The following SCUBE2 variants were observed in gnomAD, a reference collection of about 807,000 sequenced individuals.
SCUBE2 encodes the protein signal peptide, CUB and EGF-like domain-containing protein 2.
SCUBE2 carries 114 observed loss-of-function variants against 125.9 expected under a neutral mutation model. That is an observed-to-expected ratio of 0.91 (90% CI 0.78 to 1.06). SCUBE2 has a LOEUF of 1.06. Among genes scored for constraint, SCUBE2 ranks in the 50% least tolerant of loss-of-function variants. The pLI is 0.00. For synonymous variants in SCUBE2, 459 were observed against 492.9 expected (o/e 0.93, Z 0.91); for missense variants, 1,255 against 1,301.8 (o/e 0.96, Z 0.55).
chr11:9,054,641 C>T (rs1431997852), intron 10 of SCUBE2, among the ~76,000 whole-genome samples: 3 of 140,674 alleles, frequency 2.1e-5, no homozygotes, highest in Non-Finnish European at 4.5e-5. Flanking sequence ...ATGTCTTTGG[C>T]CATGCCAAGG....
At chr11:9,029,604 T>C (rs1010727656) in intron 19 of SCUBE2, among the ~76,000 whole-genome samples, 2 of 152,202 alleles carry the variant, frequency 1.3e-5, no homozygotes, top group Non-Finnish European at 2.9e-5. Flanking sequence ...TGCATGCTGA[T>C]CAAGGCTGGA....
At chr11:9,081,669 CAAACAAAA>C (rs754617398) in intron 2 of SCUBE2, among the ~76,000 whole-genome samples, 1 of 142,980 alleles carries the variant, frequency 7.0e-6, no homozygotes, top group Non-Finnish European at 1.5e-5. Context: ...AACAAACAAA[CAAACAAAA>C]AAAAAAAACC....
intron 19 of SCUBE2, among the ~76,000 whole-genome samples, chr11:9,029,237 C>A (rs906413249): frequency 6.6e-6 from 1 of 152,228 alleles, no homozygotes; most frequent in Non-Finnish European, 1.5e-5. Context: ...ACAAACCGGT[C>A]TCCTCAGCAT....
intron 21 of SCUBE2, 135 bp downstream of exon 21, chr11:9,025,567 G>T: frequency 9.2e-7 from 1 of 1,083,310 alleles, no homozygotes; most frequent in Non-Finnish European, 1.3e-6. Context: ...GCACTTGTGA[G>T]TCAGCAATGT....
chr11:9,032,643 G>A (rs528180584), intron 17 of SCUBE2, among the ~76,000 whole-genome samples: 1 of 152,286 alleles, frequency 6.6e-6, no homozygotes, highest in South Asian at 2.1e-4. Flanking sequence ...TGAGGCATGA[G>A]AATCACTTGA....
intron 17 of SCUBE2, among the ~76,000 whole-genome samples, chr11:9,031,597 C>T (rs1022927438): frequency 6.6e-5 from 10 of 152,012 alleles, no homozygotes; most frequent in Non-Finnish European, 1.5e-5. Flanking sequence ...CACGGCACTC[C>T]AGCCTGGGTG....
chr11:9,053,701 C>A lies in SCUBE2; in HGVS notation c.1266G>T (p.Val422=). The stretch of plus-strand genomic sequence containing the variant: ...GGTGGCACTGGCATTCATAGCTGCC[C>A]ACTGTGTTCACACAGACCTGCTGAC... The part of the protein sequence containing the change: ...GGCQQVCVNT[V]GSYECQCHPG... The change falls in exon 11 of 23, where the codon GTG becomes GTT. Residue 422 remains valine, a synonymous_variant. Coordinates refer to ENST00000649792, the MANE Select transcript of SCUBE2 (RefSeq NM_001367977.2). 6.2e-7 allele frequency: 1 copy of A among 1,614,160 alleles called. No individual in the cohort carries two copies. Among genetic ancestry groups the A allele is most frequent in the Non-Finnish European group, 8.5e-7 (1 of 1,180,014 alleles).
intron 7 of SCUBE2, among the ~76,000 whole-genome samples, chr11:9,062,411 T>C (rs1172586655): frequency 6.6e-6 from 1 of 152,250 alleles, no homozygotes; most frequent in African/African-American, 2.4e-5. Context: ...ATGAAATGGC[T>C]ATGTCACTGC....
At chr11:9,052,322 A>T (rs541197171) in intron 13 of SCUBE2, among the ~76,000 whole-genome samples, 1 of 152,362 alleles carries the variant, frequency 6.6e-6, no homozygotes, top group South Asian at 2.1e-4. Flanking sequence ...CTTGGATTTC[A>T]TTCTTCATCT....
In SCUBE2 at chr11:9,087,435, C is replaced by T. The variant is rs569571872; in HGVS notation, c.256+2272G>A. Among the ~76,000 whole-genome samples, 216 of 152,094 alleles carry T rather than the reference C, an allele frequency of 1.4e-3. 1 individual carries two copies. Among genetic ancestry groups the T allele is most frequent in the Non-Finnish European group, 2.4e-3 (164 of 67,998 alleles). ...GTACAGCAAATAGAATATTTAATAC[C>T]GAAAGTGTGTGGTATGGAGGAATCA... is the stretch of plus-strand genomic sequence containing the variant. On this transcript the variant is annotated intron_variant, in intron 2 of 22. Coordinates refer to ENST00000649792, the MANE Select transcript of SCUBE2 (RefSeq NM_001367977.2).
chr11:9,023,966 T>C (rs1304333111), intron 21 of SCUBE2, among the ~76,000 whole-genome samples: 1 of 152,176 alleles, frequency 6.6e-6, no homozygotes, highest in Middle Eastern at 3.4e-3. Context: ...CCTTCTGGGT[T>C]TGAAAAGAAG....
At position 9,053,195 on chromosome 11, in the gene SCUBE2, T is replaced by G; in HGVS notation, c.1351A>C (p.Thr451Pro). ...AGGGACACACGGGGTGACACACTTGTGGGCAGGAGCCCCTTCACTTCTAGA... is the reference window on the plus strand; with the variant it reads ...AGGGACACACGGGGTGACACACTTGGGGGCAGGAGCCCCTTCACTTCTAGA... ...DCVEVKGLLP[T>P]SVSPRVSLHC... Residue 451 changes from threonine (T) to proline (P), a missense_variant, in exon 12 of 23, where the codon ACA becomes CCA. Physicochemically the swap from Thr to Pro is conservative, Grantham distance 38. Around this residue, in one of 3 missense-constraint regions of SCUBE2, gnomAD observed 378 missense variants for 463.1 expected, o/e 0.82. Coordinates refer to ENST00000649792, the MANE Select transcript of SCUBE2 (RefSeq NM_001367977.2). The G allele has an allele frequency of 6.2e-7, 1 of 1,614,156 alleles. No homozygotes were observed. Among genetic ancestry groups the G allele is most frequent in the Non-Finnish European group, 8.5e-7 (1 of 1,179,976 alleles).
At chr11:9,079,184 C>A (rs1861433851) in intron 3 of SCUBE2, among the ~76,000 whole-genome samples, 200 bp downstream of exon 3, 1 of 152,178 alleles carries the variant, frequency 6.6e-6, no homozygotes, top group Admixed American at 6.5e-5. Flanking sequence ...TCTCCTTGGA[C>A]TAACAGAAGA....
intron 4 of SCUBE2, among the ~76,000 whole-genome samples, chr11:9,073,342 G>A (rs1002901023): frequency 5.3e-5 from 8 of 152,084 alleles, no homozygotes; most frequent in Middle Eastern, 3.2e-3. Flanking sequence ...TGACTTCCCC[G>A]CCCCAAACGC....
rs762069882 is a variant in SCUBE2, at chr11:9,047,502, C to A, written c.1856G>T (p.Arg619Leu). ...CCTGTGGACGGCCTTTCTGAGCGTG[C>A]GGATGGCTTTACGGAGCCGCTTCTC... is the stretch of plus-strand genomic sequence containing the variant. ...RTEKRLRKAI[R>L]TLRKAVHREQ... The change falls in exon 16 of 23, where the codon CGC (arginine) becomes CTC (leucine). Residue 619 changes from arginine to leucine, a missense_variant. Around this residue, in one of 3 missense-constraint regions of SCUBE2, gnomAD observed 515 missense variants for 515.7 expected, o/e 1.00. Coordinates refer to ENST00000649792, the MANE Select transcript of SCUBE2 (RefSeq NM_001367977.2). The A allele has an allele frequency of 6.2e-6, 10 of 1,613,606 alleles. No homozygotes were observed. In the South Asian group the frequency reaches 7.7e-5, roughly 12 times the overall value.
At chr11:9,032,466 G>A (rs1362755500) in intron 17 of SCUBE2, among the ~76,000 whole-genome samples, 1 of 152,116 alleles carries the variant, frequency 6.6e-6, no homozygotes, top group Non-Finnish European at 1.5e-5. Context: ...GGGTGCAGTG[G>A]CTCACGCCTG....
chr11:9,047,282 C>T (rs75134904), intron 16 of SCUBE2, 74 bp downstream of exon 16: 42,462 of 1,502,988 alleles, frequency 0.028, 720 homozygotes, highest in Non-Finnish European at 0.035. Context: ...ATGGGCCAGA[C>T]TTGCCTTCGG....
At chr11:9,026,135 C>T (rs1855737561) in intron 20 of SCUBE2, 2 of 278,734 alleles carry the variant, frequency 7.2e-6, no homozygotes, top group Non-Finnish European at 1.3e-5. Flanking sequence ...GAGGGCCTCC[C>T]ATTCCAGAAC....
chr11:9,053,512 TTGC>T (rs1174740975), intron 11 of SCUBE2, 122 bp downstream of exon 11: 1 of 1,100,566 alleles, frequency 9.1e-7, no homozygotes, highest in Non-Finnish European at 1.3e-6. Context: ...TAAAGAACAG[TTGC>T]TGCAGCTGGT....
Sources: allele counts gnomAD v4.1 joint callset (sites outside exome capture counted in the v4.1 genomes callset), GRCh38; gene constraint gnomAD v4.1.1; regional missense constraint gnomAD v4.1.1; transcripts MANE v1.5; gene names NCBI Gene and HGNC (gene_info 2026-07-23, HGNC 2026-07-21).